OR2T2: variants seen among roughly 807,000 people sequenced by gnomAD.
OR2T2 encodes olfactory receptor 2T2.
For synonymous variants in OR2T2, 50 were observed against 162.7 expected, an observed-to-expected ratio of 0.31 and a Z score of 5.27; for missense variants, 138 against 409.1, an observed-to-expected ratio of 0.34 and a Z score of 5.72.
At chr1:248,448,285 CAAGTTTTGCTGTCACATCAAACTGAAA>C (rs1162603316) in intron 2 of OR2T2, among the ~76,000 whole-genome samples, 3 of 143,962 alleles carry the variant, frequency 2.1e-5, no homozygotes, top group African/African-American at 8.3e-5. Context: ...AAAAATTATG[CAAGTTTTGCTGTCACATCAAACTGAAA>C]AAGTTATAGC....
chr1:248,447,800 C>T (rs556646202), intron 2 of OR2T2, among the ~76,000 whole-genome samples: 1 of 151,576 alleles, frequency 6.6e-6, no homozygotes, highest in Admixed American at 6.6e-5. Flanking sequence ...TAGGGTTGAA[C>T]CTTTGAGGTA....
chr1:248,449,260 G>T lies in OR2T2; in HGVS notation c.-23+2449G>T, dbSNP rs1359512702. 1.3e-5 allele frequency: 2 copies of T among 152,202 alleles called. No individual in the cohort carries two copies. The highest frequency in any genetic ancestry group is 2.9e-5 in the Non-Finnish European group (2 of 68,062). 9.4% of individuals were successfully genotyped at this position (152,202 alleles called of 1,614,324 possible). On this transcript the variant is annotated intron_variant, in intron 2 of 2. It adds an upstream start codon to the 5' untranslated region. Coordinates refer to ENST00000642130, the Ensembl canonical transcript of OR2T2. Reference sequence around the variant, plus strand: ...GTTAGCAGCTTTATTGCCACAGAAAGGACACTGGCAGATACTTCTCATAGC... The same window carrying T: ...GTTAGCAGCTTTATTGCCACAGAAATGACACTGGCAGATACTTCTCATAGC...
At chr1:248,450,588 C>T (rs1662774908) in intron 2 of OR2T2, among the ~76,000 whole-genome samples, 1 of 152,178 alleles carries the variant, frequency 6.6e-6, no homozygotes, top group South Asian at 2.1e-4. Flanking sequence ...GGTTCATGTT[C>T]TGATTCAAAA....
chr1:248,446,530 C>G (rs1307865820), intron 1 of OR2T2, 59 bp from the exon 2 acceptor site: 1 of 145,656 alleles, frequency 6.9e-6, no homozygotes, highest in African/African-American at 2.8e-5. Flanking sequence ...CGCCTCACCT[C>G]GCCTCTGCTG....
intron 2 of OR2T2, among the ~76,000 whole-genome samples, chr1:248,449,950 T>C (rs1662755186): frequency 7.2e-6 from 1 of 138,604 alleles, no homozygotes; most frequent in Non-Finnish European, 1.5e-5. Context: ...CTTGTATGTG[T>C]GAATAAGTCA....
At chr1:248,449,847 A>T (rs1662752406) in intron 2 of OR2T2, among the ~76,000 whole-genome samples, 1 of 88,542 alleles carries the variant, frequency 1.1e-5, no homozygotes. Flanking sequence ...TTTTTTTGGA[A>T]AGACTAGTTG....
chr1:248,448,242 TAAG>T (rs1294342819), intron 2 of OR2T2, among the ~76,000 whole-genome samples: 8 of 150,310 alleles, frequency 5.3e-5, no homozygotes, highest in Non-Finnish European at 8.8e-5. Flanking sequence ...AGATCTATAT[TAAG>T]AAAAACTTTA....
chr1:248,447,070 G>C (rs1464353384), intron 2 of OR2T2, among the ~76,000 whole-genome samples: 1 of 151,996 alleles, frequency 6.6e-6, no homozygotes, highest in East Asian at 1.9e-4. Context: ...CAGATAAAGG[G>C]GGGTGGTAAC....
At chr1:248,450,014 C>A (rs1662756426) in intron 2 of OR2T2, among the ~76,000 whole-genome samples, 1 of 148,124 alleles carries the variant, frequency 6.8e-6, no homozygotes, top group South Asian at 2.1e-4. Context: ...AATGTAGATG[C>A]TCGGAACTGA....
intron 2 of OR2T2, among the ~76,000 whole-genome samples, chr1:248,452,570 T>A (rs1662821876): frequency 7.6e-6 from 1 of 131,672 alleles, no homozygotes; most frequent in South Asian, 2.7e-4. Flanking sequence ...AGAACTATGA[T>A]GACCTTTCAC....
chr1:248,450,325 C>A (rs2000035), intron 2 of OR2T2, among the ~76,000 whole-genome samples: 1 of 142,368 alleles, frequency 7.0e-6, no homozygotes, highest in East Asian at 2.0e-4. Context: ...GTACACACAA[C>A]GCTCACACTC....
chr1:248,447,646 C>A (rs1445178021), intron 2 of OR2T2, among the ~76,000 whole-genome samples: 1 of 151,338 alleles, frequency 6.6e-6, no homozygotes, highest in South Asian at 2.1e-4. Flanking sequence ...GGAATCAGAC[C>A]GGTTTCCCTC....
chr1:248,449,488 G>A (rs1008673390), intron 2 of OR2T2, 96 bp downstream of exon 3: 1 of 148,350 alleles, frequency 6.7e-6, no homozygotes, highest in African/African-American at 2.6e-5. Flanking sequence ...CTGGCACCCT[G>A]CAGAGATTCT....
At chr1:248,453,718 G>C in exon 3 of OR2T2, 7 of 1,603,448 alleles carry the variant, frequency 4.4e-6, no homozygotes, top group Admixed American at 1.7e-5. Flanking sequence ...AAGTACTAGG[G>C]AGATGTGGTT....
At chr1:248,453,792 A>C (rs373669206) in exon 3 of OR2T2, 6 of 1,496,506 alleles carry the variant, frequency 4.0e-6, no homozygotes, top group Non-Finnish European at 5.4e-6. Flanking sequence ...CCACAGCATC[A>C]GAGTGGTGAC....
intron 2 of OR2T2, among the ~76,000 whole-genome samples, chr1:248,447,755 G>T (rs1662699270): frequency 6.6e-6 from 1 of 152,190 alleles, no homozygotes; most frequent in Non-Finnish European, 1.5e-5. Context: ...CTCTTTAAAA[G>T]TTTCATGCTT....
intron 2 of OR2T2, among the ~76,000 whole-genome samples, chr1:248,450,347 C>CTT (rs201321023): frequency 1.2e-4 from 17 of 139,192 alleles, no homozygotes; most frequent in African/African-American, 3.1e-4. Flanking sequence ...CAAGGAACCT[C>CTT]TTTTTTTTTT....
intron 2 of OR2T2, among the ~76,000 whole-genome samples, 182 bp downstream of exon 2, chr1:248,446,993 G>A (rs1287874779): frequency 6.8e-6 from 1 of 147,898 alleles, no homozygotes; most frequent in Admixed American, 6.6e-5. Flanking sequence ...CAAATTGTCA[G>A]TTGGGATGGG....
exon 3 of OR2T2, chr1:248,455,299 A>G (rs1662909881): frequency 9.3e-6 from 1 of 107,818 alleles, no homozygotes; most frequent in African/African-American, 3.8e-5. Flanking sequence ...AGATAGAAGG[A>G]AAAATGTTTC....
Sources: gnomAD v4.1 joint callset for allele counts (sites outside exome capture counted in the v4.1 genomes callset) on GRCh38, gnomAD v4.1.1 for gene constraint, MANE v1.5 for transcripts, NCBI Gene and HGNC (gene_info 2026-07-23, HGNC 2026-07-21) for gene names.